RASGRF2: variants seen among roughly 807,000 people sequenced by gnomAD.
The protein encoded by RASGRF2 is ras-specific guanine nucleotide-releasing factor 2.
A neutral mutation model predicts 151.0 loss-of-function variants in RASGRF2; 76 were observed. The observed-to-expected ratio is 0.50, with a 90% CI of 0.42 to 0.61. The LOEUF (loss-of-function observed/expected upper bound fraction) is 0.61. RASGRF2 is among the 20% of genes least tolerant of loss of function. RASGRF2 has a pLI of 0.00. For synonymous variants in RASGRF2, 504 were observed against 566.5 expected (o/e 0.89, Z 1.57); for missense variants, 1,148 against 1,564.6 (o/e 0.73, Z 4.49).
At chr5:81,175,708 T>C (rs1754758502) in intron 17 of RASGRF2, among the ~76,000 whole-genome samples, 1 of 146,490 alleles carries the variant, frequency 6.8e-6, no homozygotes, top group Non-Finnish European at 1.5e-5. Context: ...TGAGCCGAGA[T>C]TGTGCCATTG....
rs141654542 is a variant in RASGRF2, at chr5:81,192,028, A to G, written c.2794-9302A>G. 2.2e-3 allele frequency among the ~76,000 whole-genome samples: 333 copies of G among 152,220 alleles called. 4 individuals are homozygous for G. Among genetic ancestry groups the G allele is most frequent in the African/African-American group, 7.5e-3 (311 of 41,520 alleles). On this transcript the variant is annotated intron_variant, in intron 18 of 26. Transcript: ENST00000265080. ...CCTCCCACTTCACATCTGCTAAACTAATTTCCCAAACCACCAGTTTAAAAC... is the reference window on the plus strand; with the variant it reads ...CCTCCCACTTCACATCTGCTAAACTGATTTCCCAAACCACCAGTTTAAAAC...
chr5:81,062,009 A>C lies in RASGRF2; in HGVS notation c.396-6023A>C, dbSNP rs944241374. ...TGATCCCAGCTGACAAAAAAAAAAAAAAAAAAAAAAAAAAACTGTAGAGAT... is the reference window on the plus strand; with the variant it reads ...TGATCCCAGCTGACAAAAAAAAAAACAAAAAAAAAAAAAAACTGTAGAGAT... On this transcript the variant is annotated intron_variant, in intron 2 of 26. Transcript: ENST00000265080. Among the ~76,000 whole-genome samples the C allele has an allele frequency of 6.6e-4, 95 of 144,496 alleles. 1 individual carries two copies. Among genetic ancestry groups the C allele is most frequent in the African/African-American group, 2.4e-3 (88 of 37,432 alleles). 94.8% of individuals were successfully genotyped at this position (144,496 alleles called of 152,430 possible).
chr5:81,144,727 CAT>C (rs1329010918), intron 17 of RASGRF2, among the ~76,000 whole-genome samples: 1 of 152,158 alleles, frequency 6.6e-6, no homozygotes, highest in East Asian at 1.9e-4. Context: ...CCAAGTTTTA[CAT>C]ATGTTAACTT....
intron 17 of RASGRF2, among the ~76,000 whole-genome samples, chr5:81,161,606 T>C (rs541287623): frequency 1.3e-5 from 2 of 152,222 alleles, no homozygotes; most frequent in African/African-American, 2.4e-5. Flanking sequence ...CAGGAGAACA[T>C]GCTATCTACC....
chr5:81,111,008 C>T (rs1015402916), intron 13 of RASGRF2, among the ~76,000 whole-genome samples: 1 of 152,216 alleles, frequency 6.6e-6, no homozygotes, highest in African/African-American at 2.4e-5. Context: ...GTACTTCCAT[C>T]TGCACTGAGC....
intron 12 of RASGRF2, among the ~76,000 whole-genome samples, chr5:81,105,152 A>G: frequency 6.6e-6 from 1 of 152,110 alleles, no homozygotes; most frequent in East Asian, 1.9e-4. Flanking sequence ...GGTATCCTGT[A>G]GCTTTGATGG....
rs56140758 is a variant in RASGRF2, at chr5:80,977,449, TTTTATTTA to T, written c.288+16446_288+16453del. On this transcript the variant is annotated intron_variant, in intron 1 of 26. Coordinates refer to ENST00000265080, the MANE Select transcript of RASGRF2 (RefSeq NM_006909.3). Reference sequence around the variant, plus strand: ...TGTAAACTATAAAATGCTACCAAAATTTTATTTATTTATTTATTTATTTATTTATTGAG... The same window carrying T: ...TGTAAACTATAAAATGCTACCAAAATTTTATTTATTTATTTATTTATTGAG... 1.2e-4 allele frequency among the ~76,000 whole-genome samples: 18 copies of T among 150,300 alleles called. No individual in the cohort carries two copies. The East Asian group carries it at 2.7e-3, about 23-fold the overall frequency.
At chr5:81,002,177 G>A (rs1333884704) in intron 1 of RASGRF2, among the ~76,000 whole-genome samples, 1 of 152,132 alleles carries the variant, frequency 6.6e-6, no homozygotes, top group Admixed American at 6.5e-5. Context: ...AGTAAAGATA[G>A]CATATTTAGC....
chr5:81,046,747 G>A (rs537814203), intron 2 of RASGRF2, among the ~76,000 whole-genome samples: 2 of 152,192 alleles, frequency 1.3e-5, no homozygotes, highest in Admixed American at 6.5e-5. Flanking sequence ...GTAGACACTA[G>A]GACAATCAAA....
chr5:81,016,534 G>A (rs1364843734), intron 1 of RASGRF2, among the ~76,000 whole-genome samples: 1 of 152,124 alleles, frequency 6.6e-6, no homozygotes, highest in African/African-American at 2.4e-5. Flanking sequence ...TGTAAAATTT[G>A]GAAGCCAGAC....
At chr5:81,067,992 A>G (rs376738956) in intron 2 of RASGRF2, 40 bp from the exon 3 acceptor site, 58 of 1,535,248 alleles carry the variant, frequency 3.8e-5, no homozygotes, top group Non-Finnish European at 5.0e-5. Context: ...TATATAGTAG[A>G]ACAATATCTC....
intron 1 of RASGRF2, among the ~76,000 whole-genome samples, chr5:81,021,214 A>G (rs897834516): frequency 2.0e-5 from 3 of 152,262 alleles, no homozygotes; most frequent in African/African-American, 4.8e-5. Flanking sequence ...GTTTGTAAGC[A>G]GATCTGACAG....
intron 1 of RASGRF2, among the ~76,000 whole-genome samples, chr5:81,042,317 C>T (rs1750702291): frequency 6.6e-6 from 1 of 152,156 alleles, no homozygotes; most frequent in Admixed American, 6.5e-5. Context: ...TTCTGGAATA[C>T]TGTGTTGAAC....
chr5:81,174,850 T>C lies in RASGRF2; in HGVS notation c.2687-5325T>C, dbSNP rs192904873. Among the ~76,000 whole-genome samples, 98 of 152,340 alleles carry C rather than the reference T, an allele frequency of 6.4e-4. 2 individuals are homozygous for C. The East Asian group carries it at 0.015, about 24-fold the overall frequency. On this transcript the variant is annotated intron_variant, in intron 17 of 26. Coordinates refer to ENST00000265080, the MANE Select transcript of RASGRF2 (RefSeq NM_006909.3). ...TGACAATATGAAACATATCTGTCTA[T>C]TTAATAGTGGTGTCATGCTCTCACA...
intron 17 of RASGRF2, among the ~76,000 whole-genome samples, chr5:81,152,963 G>A (rs1181923214): frequency 6.6e-6 from 1 of 152,158 alleles, no homozygotes; most frequent in Non-Finnish European, 1.5e-5. Context: ...GGAAACATTA[G>A]CAATCTCAGT....
rs565191526 is a variant in RASGRF2 at position 81,093,655 on chromosome 5, T to A, written c.1552-641T>A. On this transcript the variant is annotated intron_variant, in intron 10 of 26. Coordinates refer to ENST00000265080, the MANE Select transcript of RASGRF2 (RefSeq NM_006909.3). ...GTCTTGAACTCCTGGCATCAAGTGA[T>A]CCTCCTGCCTTGGCCTCCCAAAGTG... 1.3e-3 allele frequency among the ~76,000 whole-genome samples: 200 copies of A among 152,312 alleles called. 1 individual carries two copies. The highest frequency in any genetic ancestry group is 1.5e-3 in the Non-Finnish European group (102 of 68,026).
intron 17 of RASGRF2, among the ~76,000 whole-genome samples, chr5:81,139,799 C>T (rs570786436): frequency 3.3e-5 from 5 of 152,068 alleles, no homozygotes; most frequent in African/African-American, 9.6e-5. Context: ...AAGCTCTTTC[C>T]GTACACATCC....
chr5:81,189,958 C>T (rs1252508663), intron 18 of RASGRF2, among the ~76,000 whole-genome samples: 4 of 152,238 alleles, frequency 2.6e-5, no homozygotes, highest in East Asian at 1.9e-4. Flanking sequence ...GTGATCCACC[C>T]GCCTCAACTT....
At chr5:81,131,896 A>G (rs1395138053) in intron 17 of RASGRF2, among the ~76,000 whole-genome samples, 1 of 152,198 alleles carries the variant, frequency 6.6e-6, no homozygotes, top group African/African-American at 2.4e-5. Flanking sequence ...CCCATAGGTG[A>G]TACCCAGGAT....
Sources: gnomAD v4.1 joint callset for allele counts (sites outside exome capture counted in the v4.1 genomes callset) on GRCh38, gnomAD v4.1.1 for gene constraint, MANE v1.5 for transcripts, NCBI Gene and HGNC (gene_info 2026-07-23, HGNC 2026-07-21) for gene names.